The following ROBO2 variants were observed in gnomAD, a reference collection of about 807,000 sequenced individuals.
The protein encoded by ROBO2 is roundabout homolog 2.
A neutral mutation model predicts 160.8 loss-of-function variants in ROBO2; 53 were observed. The ratio of observed to expected loss-of-function variants is 0.33; its 90% CI spans 0.26 to 0.41. The LOEUF is 0.41. Among genes scored for constraint, ROBO2 ranks in the 10% least tolerant of loss-of-function variants. ROBO2 has a pLI of 1.00. For synonymous variants in ROBO2, 664 were observed against 611.7 expected (o/e 1.09, Z -1.26); for missense variants, 1,577 against 1,722.4 (o/e 0.92, Z 1.49).
chr3:76,313,613 C>CT, intron 2 of ROBO2, among the ~76,000 whole-genome samples: 1 of 152,278 alleles, frequency 6.6e-6, no homozygotes, highest in African/African-American at 2.4e-5. Context: ...TTACTTTACT[C>CT]TTTTTTGGTT....
At chr3:77,241,731 A>G (rs2089073252) in intron 2 of ROBO2, among the ~76,000 whole-genome samples, 1 of 152,216 alleles carries the variant, frequency 6.6e-6, no homozygotes, top group Non-Finnish European at 1.5e-5. Flanking sequence ...TGCTCGTATA[A>G]AAACATCAAT....
chr3:76,310,008 G>C (rs182812133), intron 2 of ROBO2, among the ~76,000 whole-genome samples: 1 of 151,654 alleles, frequency 6.6e-6, no homozygotes, highest in Admixed American at 6.6e-5. Flanking sequence ...TTTTGTAGAG[G>C]TGGGGGTCTC....
At chr3:76,008,124 C>T (rs892697139) in intron 2 of ROBO2, among the ~76,000 whole-genome samples, 6 of 149,138 alleles carry the variant, frequency 4.0e-5, no homozygotes, top group African/African-American at 1.5e-4. Context: ...GTCACAACTA[C>T]TCTGGGAGGC....
At chr3:76,593,092 A>G (rs1257103732) in intron 2 of ROBO2, among the ~76,000 whole-genome samples, 1 of 152,088 alleles carries the variant, frequency 6.6e-6, no homozygotes, top group Non-Finnish European at 1.5e-5. Flanking sequence ...TTCAACATAT[A>G]TTTATTGTGA....
intron 2 of ROBO2, among the ~76,000 whole-genome samples, chr3:76,987,360 G>A (rs1271263861): frequency 6.6e-6 from 1 of 152,108 alleles, no homozygotes; most frequent in South Asian, 2.1e-4. Context: ...GTGGGGGGGA[G>A]GGAATCATGC....
intron 2 of ROBO2, among the ~76,000 whole-genome samples, chr3:77,289,874 A>T (rs943475251): frequency 6.0e-5 from 9 of 148,954 alleles, no homozygotes; most frequent in Non-Finnish European, 1.2e-4. Flanking sequence ...AGTAAAATTA[A>T]TGGTAAAACG....
intron 2 of ROBO2, among the ~76,000 whole-genome samples, chr3:77,246,773 A>G (rs1287588238): frequency 6.6e-6 from 1 of 152,218 alleles, no homozygotes; most frequent in Non-Finnish European, 1.5e-5. Context: ...TTTGTGGACA[A>G]TGATTTTAAT....
chr3:76,076,980 ATT>A (rs765360186), intron 2 of ROBO2, among the ~76,000 whole-genome samples: 2 of 151,952 alleles, frequency 1.3e-5, no homozygotes, highest in Non-Finnish European at 2.9e-5. Flanking sequence ...ATTGGCCAGT[ATT>A]TTTCTGTTTA....
At chr3:76,048,946 G>A (rs762601032) in intron 2 of ROBO2, among the ~76,000 whole-genome samples, 13 of 152,124 alleles carry the variant, frequency 8.5e-5, no homozygotes, top group Non-Finnish European at 1.6e-4. Flanking sequence ...CATACTTCTT[G>A]AGTATACTTG....
At chr3:75,949,465 A>G (rs958803955) in intron 2 of ROBO2, among the ~76,000 whole-genome samples, 50 of 152,056 alleles carry the variant, frequency 3.3e-4, no homozygotes, top group Non-Finnish European at 4.6e-4. Context: ...TTCACATGTC[A>G]TGTACTGTAA....
intron 2 of ROBO2, among the ~76,000 whole-genome samples, chr3:76,728,966 TTC>T (rs1453168745): frequency 2.0e-5 from 3 of 152,318 alleles, no homozygotes; most frequent in African/African-American, 2.4e-5. Flanking sequence ...ATCTCTATGT[TTC>T]TCTCTGTCTC....
At chr3:76,345,039 C>T (rs1242530838) in intron 2 of ROBO2, among the ~76,000 whole-genome samples, 1 of 152,148 alleles carries the variant, frequency 6.6e-6, no homozygotes, top group Non-Finnish European at 1.5e-5. Flanking sequence ...AGATGGCATG[C>T]TCTTAACTCC....
intron 2 of ROBO2, among the ~76,000 whole-genome samples, chr3:77,202,151 C>A (rs112047533): frequency 2.0e-3 from 307 of 152,160 alleles, no homozygotes; most frequent in African/African-American, 6.7e-3. Context: ...ATAGTATCAA[C>A]GATCAGAGGG....
intron 6 of ROBO2, among the ~76,000 whole-genome samples, chr3:77,532,911 A>G (rs2091851748): frequency 6.6e-6 from 1 of 152,012 alleles, no homozygotes; most frequent in Non-Finnish European, 1.5e-5. Context: ...TTCTTGGAAG[A>G]CACAGGTTCT....
intron 2 of ROBO2, among the ~76,000 whole-genome samples, chr3:76,788,142 G>A (rs530988536): frequency 1.3e-5 from 2 of 150,950 alleles, no homozygotes; most frequent in South Asian, 4.2e-4. Context: ...AGAAGTATTG[G>A]GCAGAAAGGA....
At chr3:76,764,046 C>T (rs2061449173) in intron 2 of ROBO2, among the ~76,000 whole-genome samples, 1 of 151,760 alleles carries the variant, frequency 6.6e-6, no homozygotes, top group Non-Finnish European at 1.5e-5. Flanking sequence ...TCGTTTTATA[C>T]TTTATCTAGA....
At chr3:77,313,296 C>T (rs974428984) in intron 2 of ROBO2, among the ~76,000 whole-genome samples, 1 of 152,148 alleles carries the variant, frequency 6.6e-6, no homozygotes, top group East Asian at 1.9e-4. Context: ...TGTTTTGATA[C>T]ATATAATATG....
chr3:76,678,947 T>A (rs1662052686), intron 2 of ROBO2, among the ~76,000 whole-genome samples: 2 of 152,192 alleles, frequency 1.3e-5, no homozygotes, highest in Admixed American at 6.5e-5. Context: ...AGCACAATTA[T>A]GATTATTGTT....
intron 2 of ROBO2, among the ~76,000 whole-genome samples, chr3:76,325,725 A>AC (rs1037369594): frequency 9.9e-5 from 15 of 152,166 alleles, no homozygotes; most frequent in African/African-American, 1.7e-4. Context: ...TTAAAAAAAA[A>AC]AACAACAACC....
Sources: allele counts gnomAD v4.1 joint callset (sites outside exome capture counted in the v4.1 genomes callset), GRCh38; gene constraint gnomAD v4.1.1; transcripts MANE v1.5; gene names NCBI Gene and HGNC (gene_info 2026-07-23, HGNC 2026-07-21).